Variants in CCDC57 observed in about 807,000 individuals in gnomAD.
CCDC57 encodes coiled-coil domain-containing protein 57.
A neutral mutation model predicts 118.9 loss-of-function variants in CCDC57; 118 were observed. That is an observed-to-expected ratio of 0.99 (90% CI 0.86 to 1.16). The LOEUF is 1.16. CCDC57 is among the 50% of genes most tolerant of loss of function. The probability of loss-of-function intolerance (pLI) is 0.00; values close to 1 mark genes in which losing one functional copy is unlikely to be tolerated. For missense variants in CCDC57, 1,300 were observed against 1,320.7 expected (o/e 0.98, Z 0.24); for synonymous variants, 527 against 532.9 (o/e 0.99, Z 0.15).
At chr17:82,119,866 C>A (rs1224130078) in intron 19 of CCDC57, among the ~76,000 whole-genome samples, 1 of 152,114 alleles carries the variant, frequency 6.6e-6, no homozygotes, top group Non-Finnish European at 1.5e-5. Context: ...GGAGGTGGGT[C>A]CTCCAAAGAG....
rs2036203367 is a variant in CCDC57, at chr17:82,118,390, G to GT, written c.2899+9301dup. On this transcript the variant is annotated intron_variant, in intron 19 of 19. Coordinates refer to ENST00000665763, the Ensembl canonical transcript of CCDC57. The surrounding 1 kb of genome is among the most constrained non-coding windows in gnomAD (Gnocchi z 4.7). Reference sequence around the variant, plus strand: ...TTAGCGCAGGACTGAAACCTGATGTGTTATTCATTAGCGCAGGATGCCCCA... The same window carrying GT: ...TTAGCGCAGGACTGAAACCTGATGTGTTTATTCATTAGCGCAGGATGCCCCA... Among the ~76,000 whole-genome samples the GT allele has an allele frequency of 6.6e-6, 1 of 152,208 alleles. No homozygotes were observed. The highest frequency in any genetic ancestry group is 2.4e-5 in the African/African-American group (1 of 41,460).
chr17:82,138,884 C>T lies in CCDC57; in HGVS notation c.2456-4690G>A, dbSNP rs370395299. On this transcript the variant is annotated intron_variant, in intron 16 of 19. Transcript: ENST00000665763. ...GTCCAGAGCTAGCAGGCATAAACCC[C>T]GTCACTGCCGTTACGTTAACTTAGG... is the stretch of plus-strand genomic sequence containing the variant. 2.6e-5 allele frequency among the ~76,000 whole-genome samples: 4 copies of T among 152,330 alleles called. No homozygotes were observed. In the East Asian group the frequency reaches 5.8e-4, roughly 22 times the overall value.
At chr17:82,133,922 C>T (rs1366752479) in intron 17 of CCDC57, 151 bp downstream of exon 16, 3 of 786,076 alleles carry the variant, frequency 3.8e-6, no homozygotes, top group South Asian at 5.0e-5. Flanking sequence ...CAGCAGAAAA[C>T]ACATTGAAAT....
At chr17:82,202,044 A>C in intron 2 of CCDC57, 92 bp from the exon 2 acceptor site, 1 of 1,301,596 alleles carries the variant, frequency 7.7e-7, no homozygotes. Context: ...ATCAACAGTT[A>C]CCACGGCCGG....
At chr17:82,147,372 C>A (rs56020943) in intron 16 of CCDC57, among the ~76,000 whole-genome samples, 66,962 of 140,238 alleles carry the variant, frequency 0.48, 16,340 homozygotes, top group East Asian at 0.88. Flanking sequence ...GTGAGAGTGG[C>A]TAATTGGATA....
At chr17:82,120,918 G>T (rs1309305033) in intron 19 of CCDC57, among the ~76,000 whole-genome samples, 4 of 152,246 alleles carry the variant, frequency 2.6e-5, no homozygotes, top group African/African-American at 9.6e-5. Context: ...ACCACGCCCG[G>T]CTAATTTTTT....
At position 82,150,928 on chromosome 17, in the gene CCDC57, C is replaced by T. The variant is rs375752625; in HGVS notation, c.2455+632G>A. 5.6e-4 allele frequency among the ~76,000 whole-genome samples: 19 copies of T among 33,720 alleles called. 1 individual carries two copies. Among genetic ancestry groups the T allele is most frequent in the Admixed American group, 1.7e-3 (4 of 2,370 alleles). The allele number at this position is 33,720 out of a possible 152,430, so 22.1% of individuals were successfully genotyped here. A position where few individuals can be genotyped will look rare whatever the true frequency, so the allele number is the denominator to read the frequency against. On this transcript the variant is annotated intron_variant, in intron 16 of 19. Transcript: ENST00000665763. ...AACCTGACCCGCACCCAGAACCAGGCGCACACCCAGAACCAGGCGCACACC... is the reference window on the plus strand; with the variant it reads ...AACCTGACCCGCACCCAGAACCAGGTGCACACCCAGAACCAGGCGCACACC...
intron 14 of CCDC57, among the ~76,000 whole-genome samples, chr17:82,161,357 G>T (rs1369517941): frequency 1.3e-5 from 2 of 152,140 alleles, no homozygotes; most frequent in Non-Finnish European, 1.5e-5. Context: ...TCCTCAAAGG[G>T]TTCAACACAG....
chr17:82,148,513 G>A (rs1373603539), intron 16 of CCDC57, among the ~76,000 whole-genome samples: 14 of 79,470 alleles, frequency 1.8e-4, no homozygotes, highest in African/African-American at 6.9e-4. Context: ...ACATGGATGG[G>A]TGGGTGGGTG....
chr17:82,210,262 C>T (rs778152394), intron 1 of CCDC57, among the ~76,000 whole-genome samples: 1 of 150,980 alleles, frequency 6.6e-6, no homozygotes, highest in South Asian at 2.1e-4. Flanking sequence ...TAGGAAAATC[C>T]CAACTAATAA....
At position 82,156,476 on chromosome 17, in the gene CCDC57, TG is replaced by T. The variant is rs1329254430; in HGVS notation, c.2241+1271del. ...GGCGCTCAGGTGGGTGGGAGATGTG[TG>T]GGGGTACAGACATGCTTACCCCTGG... is the stretch of plus-strand genomic sequence containing the variant. On this transcript the variant is annotated intron_variant, in intron 15 of 19. Transcript: ENST00000665763. The T allele has an allele frequency of 5.3e-5, 8 of 152,130 alleles. No homozygotes were observed. The East Asian group carries it at 7.7e-4, about 15-fold the overall frequency. The allele number at this position is 152,130 out of a possible 1,614,324, so 9.4% of individuals were successfully genotyped here.
At chr17:82,114,443 A>T (rs1239753569) in intron 19 of CCDC57, among the ~76,000 whole-genome samples, 2 of 152,226 alleles carry the variant, frequency 1.3e-5, no homozygotes, top group Non-Finnish European at 2.9e-5. Context: ...GCAGAGGCCA[A>T]TCACACTGAA....
chr17:82,210,147 C>T (rs2050066289), intron 1 of CCDC57, among the ~76,000 whole-genome samples: 1 of 151,952 alleles, frequency 6.6e-6, no homozygotes, highest in Non-Finnish European at 1.5e-5. Context: ...ATGTGAGCAA[C>T]AAAGTACGTG....
At chr17:82,179,636 G>C (rs557530652) in intron 9 of CCDC57, among the ~76,000 whole-genome samples, 55 of 152,114 alleles carry the variant, frequency 3.6e-4, no homozygotes, top group African/African-American at 1.3e-3. Flanking sequence ...GGCGGGCGGG[G>C]ATGGGAGAGC....
exon 20 of CCDC57, chr17:82,101,670 G>C (rs370500944): frequency 1.7e-5 from 27 of 1,587,954 alleles, no homozygotes; most frequent in African/African-American, 1.2e-4. Context: ...GGGGCGGGGT[G>C]GGGGGAGGAA....
intron 8 of CCDC57, among the ~76,000 whole-genome samples, chr17:82,184,766 A>G (rs1323925339): frequency 6.6e-6 from 1 of 152,248 alleles, no homozygotes; most frequent in African/African-American, 2.4e-5. Flanking sequence ...TGGTGCACTC[A>G]AGCCTGGTAT....
At chr17:82,161,112 C>T (rs1568315963) in intron 14 of CCDC57, among the ~76,000 whole-genome samples, 2 of 152,146 alleles carry the variant, frequency 1.3e-5, no homozygotes, top group Non-Finnish European at 2.9e-5. Context: ...CGATGCTCGA[C>T]ACCAGGAGTC....
At chr17:82,170,958 C>A (rs1198298821) in intron 13 of CCDC57, among the ~76,000 whole-genome samples, 1 of 152,264 alleles carries the variant, frequency 6.6e-6, no homozygotes, top group Non-Finnish European at 1.5e-5. Context: ...AAGAATCTGG[C>A]ATTATCAAGT....
At chr17:82,124,079 C>A (rs1166438174) in intron 19 of CCDC57, among the ~76,000 whole-genome samples, 1 of 151,254 alleles carries the variant, frequency 6.6e-6, no homozygotes, top group Non-Finnish European at 1.5e-5. Context: ...GTGGCGGGGG[C>A]TACCAAAGGC....
Sources: gnomAD v4.1 joint callset for allele counts (sites outside exome capture counted in the v4.1 genomes callset) on GRCh38, gnomAD v4.1.1 for gene constraint, Gnocchi (gnomAD v3.1) non-coding constraint, MANE v1.5 for transcripts, NCBI Gene and HGNC (gene_info 2026-07-23, HGNC 2026-07-21) for gene names.